Variants in MTFR1 observed in about 807,000 individuals in gnomAD.
MTFR1 encodes the protein mitochondrial fission regulator 1.
MTFR1 carries 28 observed loss-of-function variants against 38.8 expected under a neutral mutation model. The ratio of observed to expected loss-of-function variants is 0.72; its 90% CI spans 0.53 to 0.99. The LOEUF is 0.99. MTFR1 is among the 50% of genes least tolerant of loss of function. MTFR1 has a pLI of 0.00. For synonymous variants in MTFR1, 145 were observed against 137.0 expected (o/e 1.06, Z -0.41); for missense variants, 358 against 395.5 (o/e 0.91, Z 0.81).
At chr8:65,684,685 C>T (rs965798059) in intron 3 of MTFR1, among the ~76,000 whole-genome samples, 1 of 151,882 alleles carries the variant, frequency 6.6e-6, no homozygotes, top group African/African-American at 2.4e-5. Flanking sequence ...GCACCTGGCC[C>T]ATACTGAGTC....
intron 3 of MTFR1, 59 bp from the exon 4 acceptor site, chr8:65,693,585 A>G: frequency 6.7e-7 from 1 of 1,489,930 alleles, no homozygotes; most frequent in Non-Finnish European, 9.3e-7. Flanking sequence ...GTGAGTAAAA[A>G]AAATTTAACA....
rs60187254 is a variant in MTFR1, at chr8:65,647,997, ATTTG to A, written c.-81+3241_-81+3244del. ...CTATTTTTCCATTGGGCTTTTGATC[ATTTG>A]TTTGTTTGTTTGTTTGTTTGTTTGT... is the stretch of plus-strand genomic sequence containing the variant. On this transcript the variant is annotated intron_variant, in intron 1 of 7. Transcript: ENST00000262146. Among the ~76,000 whole-genome samples, 1,283 of 151,360 alleles carry A rather than the reference ATTTG, an allele frequency of 8.5e-3. 5 individuals are homozygous for A. The highest frequency in any genetic ancestry group is 0.026 in the African/African-American group (1,083 of 41,118).
At chr8:65,678,097 A>C (rs1804769992) in intron 2 of MTFR1, among the ~76,000 whole-genome samples, 1 of 152,060 alleles carries the variant, frequency 6.6e-6, no homozygotes, top group Non-Finnish European at 1.5e-5. Flanking sequence ...AAGAAATATT[A>C]ATGACAGTTT....
intron 2 of MTFR1, among the ~76,000 whole-genome samples, chr8:65,673,069 C>A (rs1261790199): frequency 6.6e-6 from 1 of 152,192 alleles, no homozygotes; most frequent in Non-Finnish European, 1.5e-5. Flanking sequence ...TTCAGCCTGT[C>A]TGGACTTTGA....
chr8:65,662,923 C>G (rs892031613), intron 1 of MTFR1, among the ~76,000 whole-genome samples: 1 of 151,004 alleles, frequency 6.6e-6, no homozygotes, highest in Non-Finnish European at 1.5e-5. Flanking sequence ...GTCAGCCCCC[C>G]GCCTGGCCAG....
At chr8:65,717,329 T>G (rs1210358576) in intron 2 of MTFR1, among the ~76,000 whole-genome samples, 2 of 152,190 alleles carry the variant, frequency 1.3e-5, no homozygotes, top group Non-Finnish European at 2.9e-5. Flanking sequence ...ATCAATCAAG[T>G]AGAGTGGAGT....
chr8:65,754,792 C>T (rs1808143382), intron 3 of MTFR1, among the ~76,000 whole-genome samples: 1 of 149,356 alleles, frequency 6.7e-6, no homozygotes, highest in Non-Finnish European at 1.5e-5. Flanking sequence ...AGATGAAGCC[C>T]CGTCTCTACT....
chr8:65,743,554 A>G (rs1807535540), intron 3 of MTFR1, among the ~76,000 whole-genome samples: 1 of 152,242 alleles, frequency 6.6e-6, no homozygotes, highest in South Asian at 2.1e-4. Flanking sequence ...ACACTGCATA[A>G]GCAAACAGAA....
At chr8:65,662,040 TCC>T in intron 1 of MTFR1, among the ~76,000 whole-genome samples, 3 of 57,426 alleles carry the variant, frequency 5.2e-5, no homozygotes, top group Non-Finnish European at 1.2e-4. Context: ...TCCCTCTCTC[TCC>T]CTCTCTCTCT....
At chr8:65,710,994 G>T (rs62507639), downstream of MTFR1, among the ~76,000 whole-genome samples, 72,545 of 142,920 alleles carry the variant, frequency 0.51, 18,331 homozygotes, top group Non-Finnish European at 0.57. Flanking sequence ...TATATATAGA[G>T]AGAGAGAGAG....
rs1489814588 is a variant in MTFR1, at chr8:65,704,547, T to C, written c.282-147T>C. 4.8e-6 allele frequency: 3 copies of C among 628,638 alleles called. No homozygotes were observed. The African/African-American group carries it at 5.5e-5, about 12-fold the overall frequency. The allele number at this position is 628,638 out of a possible 1,614,324, so 38.9% of individuals were successfully genotyped here. The stretch of plus-strand genomic sequence containing the variant: ...TACATAAGGTTGACAAATGCTTTGC[T>C]GTTTTTGTCCTTACACGAAGGGACT... On this transcript the variant is annotated intron_variant, in intron 4 of 7. Coordinates refer to ENST00000262146, the MANE Select transcript of MTFR1 (RefSeq NM_014637.4).
chr8:65,665,391 G>C (rs972210145), intron 1 of MTFR1, among the ~76,000 whole-genome samples: 1 of 151,962 alleles, frequency 6.6e-6, no homozygotes, highest in Admixed American at 6.6e-5. Context: ...AATAGATCCT[G>C]GTAACATTAA....
At chr8:65,704,477 C>CT (rs1279073261) in intron 4 of MTFR1, among the ~76,000 whole-genome samples, 12 of 152,128 alleles carry the variant, frequency 7.9e-5, no homozygotes, top group Non-Finnish European at 1.8e-4. Flanking sequence ...TAGAGATTGA[C>CT]TAAGAAAAAT....
intron 4 of MTFR1, among the ~76,000 whole-genome samples, chr8:65,699,032 C>T (rs1414846750): frequency 1.3e-5 from 2 of 152,116 alleles, no homozygotes; most frequent in East Asian, 3.9e-4. Context: ...CCAGCCGTTC[C>T]CTTCTTTTTG....
chr8:65,686,282 C>T (rs1333126246), intron 3 of MTFR1, among the ~76,000 whole-genome samples: 1 of 152,082 alleles, frequency 6.6e-6, no homozygotes, highest in Non-Finnish European at 1.5e-5. Flanking sequence ...TAAATTTTGA[C>T]ACTGTGGAGC....
chr8:65,713,472 A>G (rs1806013652), downstream of MTFR1, among the ~76,000 whole-genome samples: 1 of 151,074 alleles, frequency 6.6e-6, no homozygotes, highest in African/African-American at 2.5e-5. Flanking sequence ...ACACACACAC[A>G]CACACACACA....
chr8:65,663,616 C>A (rs972495655), intron 1 of MTFR1, among the ~76,000 whole-genome samples: 9 of 144,854 alleles, frequency 6.2e-5, no homozygotes, highest in Non-Finnish European at 1.4e-4. Context: ...TGAAGAAAAC[C>A]CTAGAATTGC....
At chr8:65,759,327 CCT>C (rs533193449) in intron 3 of MTFR1, among the ~76,000 whole-genome samples, 38 of 152,282 alleles carry the variant, frequency 2.5e-4, no homozygotes, top group African/African-American at 6.5e-4. Flanking sequence ...GGGGGAAACC[CCT>C]GAGGCCAAGA....
intron 1 of MTFR1, among the ~76,000 whole-genome samples, chr8:65,646,605 A>G (rs1048615179): frequency 6.6e-6 from 1 of 152,208 alleles, no homozygotes; most frequent in East Asian, 1.9e-4. Context: ...GGCCAGATGC[A>G]TGGCTCAGCC....
Sources: allele counts gnomAD v4.1 joint callset (sites outside exome capture counted in the v4.1 genomes callset), GRCh38; gene constraint gnomAD v4.1.1; transcripts MANE v1.5; gene names NCBI Gene and HGNC (gene_info 2026-07-23, HGNC 2026-07-21).